KCNB2: variants seen among roughly 807,000 people sequenced by gnomAD.
KCNB2 encodes potassium voltage-gated channel subfamily B member 2.
In KCNB2, 15 loss-of-function variants were observed where a neutral mutation model predicts 61.5. The ratio of observed to expected loss-of-function variants is 0.24; its 90% CI spans 0.16 to 0.38. The LOEUF (loss-of-function observed/expected upper bound fraction) is 0.38, where lower values mean the gene tolerates loss of function less well. Ranked by LOEUF, KCNB2 falls within the 10% of genes least tolerant of loss-of-function variation. The pLI, the probability that KCNB2 is intolerant of heterozygous loss-of-function variation, is 1.00. For missense variants in KCNB2, 828 were observed against 1,125.2 expected (o/e 0.74, Z 3.78); for synonymous variants, 457 against 446.0 (o/e 1.02, Z -0.31).
At chr8:72,834,326 C>T (rs776698953) in intron 2 of KCNB2, among the ~76,000 whole-genome samples, 30 of 151,932 alleles carry the variant, frequency 2.0e-4, no homozygotes, top group Non-Finnish European at 3.2e-4. Context: ...TCTAGAGTTT[C>T]GATATATTTG....
At chr8:72,789,161 A>G (rs534991731) in intron 2 of KCNB2, among the ~76,000 whole-genome samples, 4 of 152,310 alleles carry the variant, frequency 2.6e-5, no homozygotes, top group South Asian at 2.1e-4. Context: ...AATAATAGCT[A>G]TCACTTGTTG....
intron 2 of KCNB2, among the ~76,000 whole-genome samples, chr8:72,891,406 G>T (rs571373474): frequency 2.6e-5 from 4 of 152,302 alleles, no homozygotes; most frequent in African/African-American, 9.6e-5. Context: ...ACATGCTTAT[G>T]TAGCAAGACT....
intron 2 of KCNB2, among the ~76,000 whole-genome samples, chr8:72,790,795 G>T (rs1808929770): frequency 6.6e-6 from 1 of 152,104 alleles, no homozygotes; most frequent in Non-Finnish European, 1.5e-5. Flanking sequence ...TTGTATAGAA[G>T]ATTTTCTTAT....
chr8:72,540,066 T>C (rs1014986307), intron 1 of KCNB2, among the ~76,000 whole-genome samples: 3 of 152,324 alleles, frequency 2.0e-5, no homozygotes, highest in African/African-American at 7.2e-5. Context: ...AGCATCTTCG[T>C]TAAACGTTGA....
At chr8:72,599,622 T>C (rs1429982136) in intron 2 of KCNB2, among the ~76,000 whole-genome samples, 2 of 152,158 alleles carry the variant, frequency 1.3e-5, no homozygotes, top group Non-Finnish European at 2.9e-5. Context: ...AAAGAGCTTC[T>C]GCACAGCAAA....
intron 2 of KCNB2, among the ~76,000 whole-genome samples, chr8:72,934,131 A>T (rs1806847337): frequency 6.6e-6 from 1 of 152,144 alleles, no homozygotes; most frequent in African/African-American, 2.4e-5. Flanking sequence ...AGTGGCTCCC[A>T]GCACTTTGGG....
In KCNB2 at chr8:72,936,096, G is replaced by A. The variant is rs1806897267; in HGVS notation, c.741G>A (p.Glu247=). The stretch of plus-strand genomic sequence containing the variant: ...TGTGTATTGCATGGTTTACCATGGA[G>A]TACCTTTTGCGATTCTTATCCTCAC... ...EAVCIAWFTM[E]YLLRFLSSPN... The change falls in exon 3 of 3, where the codon GAG becomes GAA. Residue 247 remains glutamate (E), a synonymous_variant. Coordinates refer to ENST00000523207, the MANE Select transcript of KCNB2 (RefSeq NM_004770.3). The surrounding 1 kb of genome is among the most constrained non-coding windows in gnomAD (Gnocchi z 5.6). 6.2e-7 allele frequency: 1 copy of A among 1,614,092 alleles called. No individual in the cohort carries two copies. Among genetic ancestry groups the A allele is most frequent in the Non-Finnish European group, 8.5e-7 (1 of 1,180,044 alleles).
At chr8:72,647,276 T>C (rs1806143793) in intron 2 of KCNB2, among the ~76,000 whole-genome samples, 1 of 152,176 alleles carries the variant, frequency 6.6e-6, no homozygotes, top group African/African-American at 2.4e-5. Context: ...AGATGGCCTT[T>C]GAATAGCCAC....
intron 2 of KCNB2, among the ~76,000 whole-genome samples, chr8:72,776,097 T>C: frequency 6.6e-6 from 1 of 152,158 alleles, no homozygotes; most frequent in East Asian, 1.9e-4. Context: ...TTATGTCCTT[T>C]GTAGGGACAT....
At chr8:72,751,404 A>C (rs1326507497) in intron 2 of KCNB2, 1 of 152,244 alleles carries the variant, frequency 6.6e-6, no homozygotes, top group Non-Finnish European at 1.5e-5. Context: ...GATTACAGAC[A>C]TACTGATAAT....
intron 2 of KCNB2, among the ~76,000 whole-genome samples, chr8:72,852,350 T>C (rs530180143): frequency 3.9e-5 from 6 of 152,224 alleles, no homozygotes; most frequent in Non-Finnish European, 7.3e-5. Context: ...TTCACTATTG[T>C]ACCATGTTTT....
intron 2 of KCNB2, among the ~76,000 whole-genome samples, chr8:72,625,469 C>T (rs1354229146): frequency 6.6e-6 from 1 of 152,092 alleles, no homozygotes. Flanking sequence ...CTCATTCTGT[C>T]ACCCAGGCTG....
chr8:72,572,292 G>C (rs1425889566), intron 2 of KCNB2, among the ~76,000 whole-genome samples: 1 of 152,132 alleles, frequency 6.6e-6, no homozygotes, highest in African/African-American at 2.4e-5. Context: ...CAGACAACAG[G>C]CTGATCTCAG....
intron 2 of KCNB2, among the ~76,000 whole-genome samples, chr8:72,720,875 C>T (rs1490020433): frequency 1.3e-5 from 2 of 152,176 alleles, no homozygotes; most frequent in Non-Finnish European, 2.9e-5. Context: ...TTATAACTCT[C>T]ATGCTTTTCC....
chr8:72,666,605 G>T (rs1034349619), intron 2 of KCNB2, among the ~76,000 whole-genome samples: 2 of 151,612 alleles, frequency 1.3e-5, no homozygotes, highest in Non-Finnish European at 2.9e-5. Flanking sequence ...TCTGAAATGT[G>T]GACAATTTTC....
chr8:72,777,543 T>C (rs1303389171), intron 2 of KCNB2, among the ~76,000 whole-genome samples: 1 of 152,210 alleles, frequency 6.6e-6, no homozygotes, highest in Non-Finnish European at 1.5e-5. Context: ...TTTATAAACT[T>C]GGTGTGAGAA....
At chr8:72,733,311 G>T (rs1393955950) in intron 2 of KCNB2, among the ~76,000 whole-genome samples, 1 of 152,020 alleles carries the variant, frequency 6.6e-6, no homozygotes, top group Admixed American at 6.6e-5. Context: ...CAAGAATTTT[G>T]ACTTTGGCTT....
Position 72,562,097 on chromosome 8 carries a change from G to C in KCNB2, c.-93-5545G>C, listed in dbSNP as rs1806545587. 2.6e-5 allele frequency among the ~76,000 whole-genome samples: 4 copies of C among 151,990 alleles called. No homozygotes were observed. In the South Asian group the frequency reaches 8.3e-4, roughly 32 times the overall value. On this transcript the variant is annotated intron_variant, in intron 1 of 2. Transcript: ENST00000523207. Reference sequence around the variant, plus strand: ...TTAAAGGTCTCAGAGATGTTTGTTTGCAGTGCCTGCTCAGCATGTTCTAGC... The same window carrying C: ...TTAAAGGTCTCAGAGATGTTTGTTTCCAGTGCCTGCTCAGCATGTTCTAGC...
intron 2 of KCNB2, among the ~76,000 whole-genome samples, chr8:72,795,753 A>T (rs1282358264): frequency 6.6e-6 from 1 of 152,224 alleles, no homozygotes; most frequent in African/African-American, 2.4e-5. Flanking sequence ...GATGGCTCTA[A>T]ATACATACCA....
Sources: allele counts gnomAD v4.1 joint callset (sites outside exome capture counted in the v4.1 genomes callset), GRCh38; gene constraint gnomAD v4.1.1; non-coding constraint Gnocchi (gnomAD v3.1); transcripts MANE v1.5; gene names NCBI Gene and HGNC (gene_info 2026-07-23, HGNC 2026-07-21).